The following MPHOSPH9 variants were observed in gnomAD, a reference collection of about 807,000 sequenced individuals.
MPHOSPH9 encodes the protein M-phase phosphoprotein 9.
Under a neutral mutation model 145.5 loss-of-function variants are expected in MPHOSPH9, and 88 were observed. That is an observed-to-expected ratio of 0.60 (90% CI 0.51 to 0.72). The LOEUF is 0.72. Among genes scored for constraint, MPHOSPH9 ranks in the 30% least tolerant of loss-of-function variants. The pLI is 0.00. For missense variants in MPHOSPH9, 1,238 were observed against 1,386.6 expected (o/e 0.89, Z 1.70); for synonymous variants, 435 against 486.2 (o/e 0.89, Z 1.39).
Position 123,154,759 on chromosome 12 carries a change from T to C in MPHOSPH9, c.*2048A>G, listed in dbSNP as rs1486904947. 4 of 152,310 alleles carry C rather than the reference T, an allele frequency of 2.6e-5. No individual in the cohort carries two copies. Among genetic ancestry groups the C allele is most frequent in the African/African-American group, 7.2e-5 (3 of 41,568 alleles). The allele number at this position is 152,310 out of a possible 1,614,324, so 9.4% of individuals were successfully genotyped here. A position where few individuals can be genotyped will look rare whatever the true frequency, so the allele number is the denominator to read the frequency against. On this transcript the variant is annotated 3_prime_UTR_variant, in exon 24 of 24. Transcript: ENST00000606320. ...AGGAACACATTAAAGGTGGTCTTAC[T>C]AGGTCTTGACACAAGCTGTACTGGA... is the stretch of plus-strand genomic sequence containing the variant.
intron 15 of MPHOSPH9, among the ~76,000 whole-genome samples, chr12:123,178,102 C>CA (rs1237618172): frequency 1.3e-5 from 2 of 152,174 alleles, no homozygotes; most frequent in Non-Finnish European, 2.9e-5. Flanking sequence ...AGTGCACTGG[C>CA]ATGATCATTG....
At chr12:123,170,608 T>C (rs2044536678) in intron 16 of MPHOSPH9, among the ~76,000 whole-genome samples, 1 of 152,230 alleles carries the variant, frequency 6.6e-6, no homozygotes, top group South Asian at 2.1e-4. Flanking sequence ...TTCAATATTA[T>C]GTTTGAAATT....
intron 16 of MPHOSPH9, among the ~76,000 whole-genome samples, chr12:123,172,624 C>T (rs563623175): frequency 2.0e-5 from 3 of 152,054 alleles, no homozygotes; most frequent in African/African-American, 4.8e-5. Context: ...TGGGCCACCA[C>T]GCCCAGTCCG....
intron 13 of MPHOSPH9, among the ~76,000 whole-genome samples, chr12:123,193,108 T>TATACAC (rs1326040192): frequency 4.1e-4 from 39 of 94,900 alleles, no homozygotes; most frequent in African/African-American, 1.6e-3. Flanking sequence ...TATATATATA[T>TATACAC]ACACACACAC....
intron 1 of MPHOSPH9, among the ~76,000 whole-genome samples, chr12:123,238,284 G>A (rs1249027126): frequency 6.6e-6 from 1 of 152,042 alleles, no homozygotes; most frequent in Admixed American, 6.6e-5. Flanking sequence ...CCACCTGCTG[G>A]CCGTTTTGTC....
chr12:123,226,011 G>T (rs1240720850), intron 3 of MPHOSPH9, among the ~76,000 whole-genome samples: 1 of 152,182 alleles, frequency 6.6e-6, no homozygotes, highest in African/African-American at 2.4e-5. Flanking sequence ...ACTCCAGCCT[G>T]GGCAACAGAG....
chr12:123,209,958 G>A, intron 8 of MPHOSPH9, 98 bp downstream of exon 8: 1 of 668,588 alleles, frequency 1.5e-6, no homozygotes, highest in Non-Finnish European at 2.4e-6. Context: ...GGATGGTCTT[G>A]ATCTCCTGAC....
chr12:123,195,603 T>C (rs896111913), intron 12 of MPHOSPH9, among the ~76,000 whole-genome samples: 3 of 148,448 alleles, frequency 2.0e-5, no homozygotes, highest in Non-Finnish European at 4.5e-5. Flanking sequence ...AAAAAGAAAA[T>C]ACAGGAAATT....
rs1253242115 is a variant in MPHOSPH9, at chr12:123,194,480, C to T, written c.2147G>A (p.Arg716Lys). The T allele has an allele frequency of 6.2e-7, 1 of 1,611,968 alleles. No individual in the cohort carries two copies. The highest frequency in any genetic ancestry group is 8.5e-7 in the Non-Finnish European group (1 of 1,179,274). The stretch of plus-strand genomic sequence containing the variant: ...AAATGCTTCTTCTAAATCTTGCAGT[C>T]TAGATTTTAGTCGAATGATGGTATT... ...KDNTIIRLKSRLQDLEEAFEN... is the reference protein window; with the variant it reads ...KDNTIIRLKSKLQDLEEAFEN... The change falls in exon 13 of 24, where the codon AGA becomes AAA. Residue 716 changes from arginine to lysine, a missense_variant. Transcript: ENST00000606320.
At chr12:123,187,286 T>C (rs2045487025) in intron 13 of MPHOSPH9, among the ~76,000 whole-genome samples, 2 of 151,686 alleles carry the variant, frequency 1.3e-5, no homozygotes, top group South Asian at 4.2e-4. Context: ...ACGAACAATA[T>C]CAGTACATTA....
At chr12:123,243,566 G>A (rs752482875) in intron 1 of MPHOSPH9, among the ~76,000 whole-genome samples, 3 of 151,638 alleles carry the variant, frequency 2.0e-5, no homozygotes, top group Non-Finnish European at 4.4e-5. Flanking sequence ...TTAGCTAGGT[G>A]TGGTGGCACG....
chr12:123,199,639 A>C (rs866829579), intron 11 of MPHOSPH9, among the ~76,000 whole-genome samples: 24 of 151,920 alleles, frequency 1.6e-4, no homozygotes, highest in African/African-American at 4.8e-4. Context: ...CTAAAATACA[A>C]AAAATTAGCC....
At chr12:123,206,531 TGAGAA>T (rs76619851) in intron 8 of MPHOSPH9, among the ~76,000 whole-genome samples, 89,546 of 150,088 alleles carry the variant, frequency 0.6, 30,833 homozygotes, top group Non-Finnish European at 0.75. Flanking sequence ...AGAGAAGAGA[TGAGAA>T]GAGAAGAGTA....
Position 123,163,006 on chromosome 12 carries a change from G to A in MPHOSPH9, c.3029+8C>T. ...GTAAACTTTATTCTACAATTTTAGAGAACTTACCGAATTGGACTGCTCTCA... is the reference window on the plus strand; with the variant it reads ...GTAAACTTTATTCTACAATTTTAGAAAACTTACCGAATTGGACTGCTCTCA... On this transcript the variant is annotated splice_region_variant and intron_variant, in intron 20 of 23. Transcript: ENST00000606320. The A allele has an allele frequency of 2.0e-6, 3 of 1,538,326 alleles. No individual in the cohort carries two copies. The highest frequency in any genetic ancestry group is 2.6e-6 in the Non-Finnish European group (3 of 1,153,116).
Position 123,161,388 on chromosome 12 carries a change from C to T in MPHOSPH9, c.3134-5G>A. On this transcript the variant is annotated splice_region_variant and splice_polypyrimidine_tract_variant and intron_variant, in intron 21 of 23. Transcript: ENST00000606320. ...CTTTCTCAGAATAAGTTTTTTCTGT[C>T]AGAGAGGAGAGAAATTGCTTATATT... is the stretch of plus-strand genomic sequence containing the variant. The T allele has an allele frequency of 6.2e-7, 1 of 1,613,448 alleles. No homozygotes were observed. Among genetic ancestry groups the T allele is most frequent in the South Asian group, 1.1e-5 (1 of 91,002 alleles).
At chr12:123,195,009 G>C (rs2045882450) in intron 12 of MPHOSPH9, among the ~76,000 whole-genome samples, 1 of 152,072 alleles carries the variant, frequency 6.6e-6, no homozygotes, top group Non-Finnish European at 1.5e-5. Context: ...CATAGAAATG[G>C]AAATGAACAA....
intron 7 of MPHOSPH9, among the ~76,000 whole-genome samples, chr12:123,214,486 G>A (rs913253591): frequency 6.6e-6 from 1 of 152,160 alleles, no homozygotes; most frequent in Non-Finnish European, 1.5e-5. Context: ...GCAGTGAGCT[G>A]TGATCGCACC....
At chr12:123,224,708 TGAA>T (rs1337800431) in intron 3 of MPHOSPH9, among the ~76,000 whole-genome samples, 1 of 152,322 alleles carries the variant, frequency 6.6e-6, no homozygotes, top group Non-Finnish European at 1.5e-5. Flanking sequence ...TCCCCCATGA[TGAA>T]GAATTGTCCT....
At chr12:123,152,507 T>TA (rs1295032879), downstream of MPHOSPH9, 8 of 454,234 alleles carry the variant, frequency 1.8e-5, no homozygotes, top group East Asian at 4.9e-4. Flanking sequence ...CGGTCACTGT[T>TA]ACAGTGAAAT....
Sources: allele counts gnomAD v4.1 joint callset (sites outside exome capture counted in the v4.1 genomes callset), GRCh38; gene constraint gnomAD v4.1.1; transcripts MANE v1.5; gene names NCBI Gene and HGNC (gene_info 2026-07-23, HGNC 2026-07-21).